COL7A1: variants seen among roughly 807,000 people sequenced by gnomAD.
COL7A1 encodes the protein collagen alpha-1(VII) chain.
COL7A1 carries 296 observed loss-of-function variants against 456.2 expected under a neutral mutation model. The observed-to-expected ratio is 0.65, with a 90% CI of 0.59 to 0.71. COL7A1 has a LOEUF of 0.71. COL7A1 is among the 30% of genes least tolerant of loss of function. COL7A1 has a pLI of 0.00. For missense variants in COL7A1, 3,441 were observed against 4,017.2 expected (o/e 0.86, Z 3.88); for synonymous variants, 1,464 against 1,525.9 (o/e 0.96, Z 0.95).
chr3:48,580,906 T>C lies in COL7A1; in HGVS notation c.4956A>G (p.Gly1652=). ...CCCGAAGGCCACGCTCGCCTGCTTT[T>C]CCAGGCAAACCCGGGTCACCCTGGT... ...EGPPGDPGLP[G]KAGERGLRGA... Residue 1652 remains glycine (G), a synonymous_variant, in exon 54 of 119, where the codon GGA becomes GGG. Transcript: ENST00000681320. This position sits in a 1 kb window ranked among gnomAD's most constrained non-coding sequence, Gnocchi z 4.5. 6.2e-7 allele frequency: 1 copy of C among 1,614,124 alleles called. No individual in the cohort carries two copies.
chr3:48,568,621 C>G lies in COL7A1; in HGVS notation c.7759-87G>C, dbSNP rs1400511799. 5 of 1,517,754 alleles carry G rather than the reference C, an allele frequency of 3.3e-6. No homozygotes were observed. Among genetic ancestry groups the G allele is most frequent in the Non-Finnish European group, 4.5e-6 (5 of 1,115,836 alleles). 94.0% of individuals were successfully genotyped at this position (1,517,754 alleles called of 1,614,324 possible). On this transcript the variant is annotated intron_variant, in intron 104 of 118. Transcript: ENST00000681320. This position sits in a 1 kb window ranked among gnomAD's most constrained non-coding sequence, Gnocchi z 5.2. ...CTGCATGTGTGGCCACTCAGATGCT[C>G]AGCGGCCAGGGCCCAGGCCACACAC...
chr3:48,593,384 C>T lies in COL7A1; in HGVS notation c.492G>A (p.Lys164=), dbSNP rs751242134. 6 of 1,614,134 alleles carry T rather than the reference C, an allele frequency of 3.7e-6. No individual in the cohort carries two copies. The South Asian group carries it at 6.6e-5, about 18-fold the overall frequency. ...CAGCAAATAGCTTGACCCCCTGCCC[C>T]TTCAGCCTTTGGGCAGCTGTGTCCA... is the stretch of plus-strand genomic sequence containing the variant. ...DLVDTAAQRL[K]GQGVKLFAVG... is the part of the protein sequence containing the mutation. The change falls in exon 5 of 119, where the codon AAG becomes AAA. Residue 164 remains lysine, a synonymous_variant. Coordinates refer to ENST00000681320, the MANE Select transcript of COL7A1 (RefSeq NM_000094.4). This position sits in a 1 kb window ranked among gnomAD's most constrained non-coding sequence, Gnocchi z 4.4.
At position 48,567,781 on chromosome 3, in the gene COL7A1, T is replaced by G. The variant is rs1195923969; in HGVS notation, c.7930-18A>C. 6.2e-7 allele frequency: 1 copy of G among 1,614,044 alleles called. No homozygotes were observed. The highest frequency in any genetic ancestry group is 8.5e-7 in the Non-Finnish European group (1 of 1,180,030). ...GCTTCTCCCTGCAGGCATCAGGCAG[T>G]GGGGTGAGCCTTAGGCCCCAGGCCA... is the stretch of plus-strand genomic sequence containing the variant. On this transcript the variant is annotated intron_variant, in intron 107 of 118. Coordinates refer to ENST00000681320, the MANE Select transcript of COL7A1 (RefSeq NM_000094.4). The surrounding 1 kb of genome is among the most constrained non-coding windows in gnomAD (Gnocchi z 4.3).
At position 48,564,332 on chromosome 3, in the gene COL7A1, G is replaced by T. The variant is rs1383881331; in HGVS notation, c.*74C>A. On this transcript the variant is annotated 3_prime_UTR_variant, in exon 119 of 119. Transcript: ENST00000681320. This position sits in a 1 kb window ranked among gnomAD's most constrained non-coding sequence, Gnocchi z 6.0. ...GTGCACACAAGCCTCTAGCACCAAG[G>T]GGAGGGACAGTGGGGTTCTGCTGAG... 1 of 1,557,536 alleles carries T rather than the reference G, an allele frequency of 6.4e-7. No individual in the cohort carries two copies. Among genetic ancestry groups the T allele is most frequent in the Non-Finnish European group, 8.9e-7 (1 of 1,129,188 alleles).
chr3:48,581,614 G>A lies in COL7A1; in HGVS notation c.4741C>T (p.Leu1581Phe), dbSNP rs764513815. The A allele has an allele frequency of 1.2e-6, 2 of 1,614,198 alleles. No homozygotes were observed. The highest frequency in any genetic ancestry group is 1.7e-6 in the Non-Finnish European group (2 of 1,180,034). ...QGERGPPGLV[L>F]PGDPGPKGDP... is the part of the protein sequence containing the mutation. The stretch of plus-strand genomic sequence containing the variant: ...CCCTTGGGGCCAGGGTCTCCAGGAA[G>A]AACCAAGCCGGGTGGGCCCTGTGGA... Residue 1581 changes from leucine to phenylalanine, a missense_variant, in exon 50 of 119, where the codon CTT becomes TTT. Around this residue, in one of 3 missense-constraint regions of COL7A1, gnomAD observed 2,084 missense variants for 2,501.3 expected, o/e 0.83. Transcript: ENST00000681320. This position sits in a 1 kb window ranked among gnomAD's most constrained non-coding sequence, Gnocchi z 5.8.
Position 48,579,155 on chromosome 3 carries a change from G to A in COL7A1, c.5388+42C>T. ...GGGGTCTAGGGTCCTCATGTGAAGG[G>A]GTAGGGGAAGGGGACAACCAGGCAG... On this transcript the variant is annotated intron_variant, in intron 62 of 118. Transcript: ENST00000681320. The surrounding 1 kb of genome is among the most constrained non-coding windows in gnomAD (Gnocchi z 4.4). 1 of 1,605,346 alleles carries A rather than the reference G, an allele frequency of 6.2e-7. No individual in the cohort carries two copies. The highest frequency in any genetic ancestry group is 8.5e-7 in the Non-Finnish European group (1 of 1,174,080).
In COL7A1 at chr3:48,588,168, C is replaced by T. The variant is rs1034007418; in HGVS notation, c.2710+114G>A. On this transcript the variant is annotated intron_variant, in intron 21 of 118. Transcript: ENST00000681320. This position sits in a 1 kb window ranked among gnomAD's most constrained non-coding sequence, Gnocchi z 4.6. ...TGATCTTACCTACTGTCACGGATCC[C>T]GCAGACCCCCAGTGACAGACCCCGC... 23 of 1,524,012 alleles carry T rather than the reference C, an allele frequency of 1.5e-5. No individual in the cohort carries two copies. Among genetic ancestry groups the T allele is most frequent in the Non-Finnish European group, 2.1e-5 (23 of 1,116,166 alleles). The allele number at this position is 1,524,012 out of a possible 1,614,324, so 94.4% of individuals were successfully genotyped here. A position where few individuals can be genotyped will look rare whatever the true frequency, so the allele number is the denominator to read the frequency against.
At position 48,565,763 on chromosome 3, in the gene COL7A1, T is replaced by C. The variant is rs144407189; in HGVS notation, c.8408-95A>G. ...AGACACACAGGCAGAGGGGTAGAGA[T>C]ACACAAAGAGATAGCAGGAGAGGGT... On this transcript the variant is annotated intron_variant, in intron 114 of 118. Coordinates refer to ENST00000681320, the MANE Select transcript of COL7A1 (RefSeq NM_000094.4). This position sits in a 1 kb window ranked among gnomAD's most constrained non-coding sequence, Gnocchi z 4.5. 44 of 1,200,648 alleles carry C rather than the reference T, an allele frequency of 3.7e-5. No homozygotes were observed. The African/African-American group carries it at 6.1e-4, about 17-fold the overall frequency. The allele number at this position is 1,200,648 out of a possible 1,614,324, so 74.4% of individuals were successfully genotyped here.
Position 48,566,141 on chromosome 3 carries a change from G to T in COL7A1, c.8407+126C>A. The stretch of plus-strand genomic sequence containing the variant: ...CATGTGTCAGTCCTGCAGCACATGT[G>T]TCCTTCTGTGTATCCATCCATCCCC... On this transcript the variant is annotated intron_variant, in intron 114 of 118. Coordinates refer to ENST00000681320, the MANE Select transcript of COL7A1 (RefSeq NM_000094.4). This position sits in a 1 kb window ranked among gnomAD's most constrained non-coding sequence, Gnocchi z 5.9. 1 of 1,001,436 alleles carries T rather than the reference G, an allele frequency of 1.0e-6. No individual in the cohort carries two copies. Among genetic ancestry groups the T allele is most frequent in the Non-Finnish European group, 1.5e-6 (1 of 651,846 alleles). The allele number at this position is 1,001,436 out of a possible 1,614,324, so 62.0% of individuals were successfully genotyped here. A position where few individuals can be genotyped will look rare whatever the true frequency, so the allele number is the denominator to read the frequency against.
At position 48,579,711 on chromosome 3, in the gene COL7A1, A is replaced by G; in HGVS notation, c.5155-43T>C. 6.2e-7 allele frequency: 1 copy of G among 1,613,832 alleles called. No homozygotes were observed. The highest frequency in any genetic ancestry group is 1.3e-5 in the African/African-American group (1 of 75,006). On this transcript the variant is annotated intron_variant, in intron 58 of 118. Transcript: ENST00000681320. This position sits in a 1 kb window ranked among gnomAD's most constrained non-coding sequence, Gnocchi z 4.4. ...TTGCTGAGGAACAGCCTTGAAGCCA[A>G]GCCATGCCCAAGGTAGAACCTGCTG...
Position 48,579,881 on chromosome 3 carries a change from A to G in COL7A1, c.5125-67T>C. 6.2e-7 allele frequency: 1 copy of G among 1,610,946 alleles called. No homozygotes were observed. Among genetic ancestry groups the G allele is most frequent in the South Asian group, 1.1e-5 (1 of 90,974 alleles). On this transcript the variant is annotated intron_variant, in intron 57 of 118. Coordinates refer to ENST00000681320, the MANE Select transcript of COL7A1 (RefSeq NM_000094.4). This position sits in a 1 kb window ranked among gnomAD's most constrained non-coding sequence, Gnocchi z 4.4. ...GGAAGAGGAGTTGGCGAGGGGATAC[A>G]GGGTCTGTGAGGGGCTCCAGGGATC... is the stretch of plus-strand genomic sequence containing the variant.
Position 48,566,912 on chromosome 3 carries a change from G to A in COL7A1, c.8221C>T (p.Gln2741Ter), listed in dbSNP as rs778520263. 1 of 1,602,798 alleles carries A rather than the reference G, an allele frequency of 6.2e-7. No individual in the cohort carries two copies. The change falls in exon 111 of 119, where the codon CAG (glutamine) becomes TAG (stop). Residue 2741 changes from glutamine (Q) to a stop codon, truncating the protein, a stop_gained. Coordinates refer to ENST00000681320, the MANE Select transcript of COL7A1 (RefSeq NM_000094.4). LOFTEE classifies it high-confidence loss of function. The surrounding 1 kb of genome is among the most constrained non-coding windows in gnomAD (Gnocchi z 5.9). Reference protein sequence around the residue: ...GPRGPEGLQGQKGERGPPGER... With the variant: ...GPRGPEGLQG ...TCAGAGCTGGGGCCCCTTACCTTCT[G>A]GCCCTGAAGTCCTTCGGGGCCTCTG... is the stretch of plus-strand genomic sequence containing the variant.
rs1446582604 is a variant in COL7A1 at position 48,578,740 on chromosome 3, G to A, written c.5424+179C>T. The stretch of plus-strand genomic sequence containing the variant: ...TTGGAGGGCCTATGAAGACCCCCAA[G>A]GCAAAGAAGGTCAGAAAGGGGGATT... On this transcript the variant is annotated intron_variant, in intron 63 of 118. Transcript: ENST00000681320. The surrounding 1 kb of genome is among the most constrained non-coding windows in gnomAD (Gnocchi z 4.7). Among the ~76,000 whole-genome samples the A allele has an allele frequency of 1.3e-5, 2 of 152,164 alleles. No homozygotes were observed. The highest frequency in any genetic ancestry group is 4.8e-5 in the African/African-American group (2 of 41,426).
At position 48,576,517 on chromosome 3, in the gene COL7A1, C is replaced by T. The variant is rs1455454795; in HGVS notation, c.5736+5G>A. On this transcript the variant is annotated splice_donor_5th_base_variant and intron_variant, in intron 69 of 118. Transcript: ENST00000681320. ...CCACGCCCCCTACCCAACATCCGCA[C>T]TCACCTTGGGGCCCGTGCCTCCTGG... The T allele has an allele frequency of 6.2e-7, 1 of 1,612,070 alleles. No individual in the cohort carries two copies. The highest frequency in any genetic ancestry group is 2.2e-5 in the East Asian group (1 of 44,748).
chr3:48,569,985 G>A lies in COL7A1; in HGVS notation c.7486-70C>T, dbSNP rs557834337. 1.9e-6 allele frequency: 3 copies of A among 1,608,060 alleles called. No individual in the cohort carries two copies. The South Asian group carries it at 3.3e-5, about 18-fold the overall frequency. ...GGAGGACGGAGGAGGATCAGGGGGA[G>A]GAGGGAAACAGTGGGGACCAGACAA... On this transcript the variant is annotated intron_variant, in intron 99 of 118. Transcript: ENST00000681320. This position sits in a 1 kb window ranked among gnomAD's most constrained non-coding sequence, Gnocchi z 4.9.
Position 48,564,937 on chromosome 3 carries a change from G to A in COL7A1, c.8664C>T (p.Tyr2888=), listed in dbSNP as rs2043535071. ...CAGCCCGATGGTACCAGCGCAGGGT[G>A]TAGGCAGTGCAGGAGCCCTCATCCA... is the stretch of plus-strand genomic sequence containing the variant. ...LPLDEGSCTA[Y]TLRWYHRAVT... Residue 2888 remains tyrosine (Y), a synonymous_variant, in exon 118 of 119, where the codon TAC becomes TAT. Transcript: ENST00000681320. This position sits in a 1 kb window ranked among gnomAD's most constrained non-coding sequence, Gnocchi z 6.0. 2 of 1,614,238 alleles carry A rather than the reference G, an allele frequency of 1.2e-6. No individual in the cohort carries two copies. Among genetic ancestry groups the A allele is most frequent in the South Asian group, 1.1e-5 (1 of 91,090 alleles).
Position 48,572,641 on chromosome 3 carries a change from C to T in COL7A1, c.6900+30G>A. ...TGTGGGTGAGGCAGAGGAGTTGCTGCAGGGGGTGGAAGTCAGGGTCAAAGA... is the reference window on the plus strand; with the variant it reads ...TGTGGGTGAGGCAGAGGAGTTGCTGTAGGGGGTGGAAGTCAGGGTCAAAGA... On this transcript the variant is annotated intron_variant, in intron 88 of 118. Coordinates refer to ENST00000681320, the MANE Select transcript of COL7A1 (RefSeq NM_000094.4). This position sits in a 1 kb window ranked among gnomAD's most constrained non-coding sequence, Gnocchi z 4.6. 6.3e-7 allele frequency: 1 copy of T among 1,580,114 alleles called. No homozygotes were observed. The highest frequency in any genetic ancestry group is 8.6e-7 in the Non-Finnish European group (1 of 1,161,868).
rs559296770 is a variant in COL7A1 at position 48,571,825 on chromosome 3, G to C, written c.7068+176C>G. ...GCCAAGACAGGGCCCCCAGAGCTCAGAGTGTGGAAGCCGACAGTGTGTGGC... is the reference window on the plus strand; with the variant it reads ...GCCAAGACAGGGCCCCCAGAGCTCACAGTGTGGAAGCCGACAGTGTGTGGC... On this transcript the variant is annotated intron_variant, in intron 92 of 118. Transcript: ENST00000681320. This position sits in a 1 kb window ranked among gnomAD's most constrained non-coding sequence, Gnocchi z 4.6. 5.4e-5 allele frequency: 41 copies of C among 766,100 alleles called. No individual in the cohort carries two copies. In the African/African-American group the frequency reaches 6.8e-4, roughly 13 times the overall value. 47.5% of individuals were successfully genotyped at this position (766,100 alleles called of 1,614,324 possible).
Position 48,594,967 on chromosome 3 carries a change from G to T in COL7A1, c.85+108C>A. On this transcript the variant is annotated intron_variant, in intron 2 of 118. Transcript: ENST00000681320. The surrounding 1 kb of genome is among the most constrained non-coding windows in gnomAD (Gnocchi z 5.5). ...AATTAGGAGGAATCCGCGGGGCGTC[G>T]TGGAGTTGGCTGGGTTGTGGGCGGG... 1.1e-6 allele frequency: 1 copy of T among 910,414 alleles called. No individual in the cohort carries two copies. Among genetic ancestry groups the T allele is most frequent in the Non-Finnish European group, 1.7e-6 (1 of 588,352 alleles). The allele number at this position is 910,414 out of a possible 1,614,324, so 56.4% of individuals were successfully genotyped here. A position where few individuals can be genotyped will look rare whatever the true frequency, so the allele number is the denominator to read the frequency against.
Sources: gnomAD v4.1 joint callset for allele counts (sites outside exome capture counted in the v4.1 genomes callset) on GRCh38, gnomAD v4.1.1 for gene constraint, gnomAD v4.1.1 regional missense constraint, Gnocchi (gnomAD v3.1) non-coding constraint, MANE v1.5 for transcripts, NCBI Gene and HGNC (gene_info 2026-07-23, HGNC 2026-07-21) for gene names.